KATNAL1: variants seen among roughly 807,000 people sequenced by gnomAD.
The protein encoded by KATNAL1 is katanin catalytic subunit A1 like 1.
In KATNAL1, 32 loss-of-function variants were observed where a neutral mutation model predicts 55.2. The ratio of observed to expected loss-of-function variants is 0.58; its 90% CI spans 0.44 to 0.78. KATNAL1 has a LOEUF of 0.78. KATNAL1 is among the 30% of genes least tolerant of loss of function. KATNAL1 has a pLI of 0.00. For missense variants in KATNAL1, 466 were observed against 600.9 expected (o/e 0.78, Z 2.35); for synonymous variants, 193 against 193.6 (o/e 1.00, Z 0.02).
intron 4 of KATNAL1, among the ~76,000 whole-genome samples, chr13:30,250,075 TGGTAG>T (rs1878160189): frequency 6.6e-6 from 1 of 152,234 alleles, no homozygotes; most frequent in Non-Finnish European, 1.5e-5. Context: ...CACCATAGAA[TGGTAG>T]GCTGCTACCC....
At chr13:30,261,119 A>G (rs1879252058) in intron 3 of KATNAL1, among the ~76,000 whole-genome samples, 1 of 152,122 alleles carries the variant, frequency 6.6e-6, no homozygotes, top group Middle Eastern at 3.2e-3. Context: ...CAGCCAAACT[A>G]AGCTTCATAG....
intron 1 of KATNAL1, among the ~76,000 whole-genome samples, chr13:30,288,530 T>C (rs1198830910): frequency 1.3e-5 from 2 of 152,218 alleles, no homozygotes; most frequent in African/African-American, 4.8e-5. Flanking sequence ...TTACTTGTGA[T>C]TCAAAGAATA....
intron 3 of KATNAL1, among the ~76,000 whole-genome samples, chr13:30,267,330 T>C (rs974610300): frequency 1.3e-5 from 2 of 152,232 alleles, no homozygotes; most frequent in East Asian, 1.9e-4. Flanking sequence ...AGTTGAACTT[T>C]AGATAAATTC....
At chr13:30,213,060 C>G (rs543948820) in intron 9 of KATNAL1, among the ~76,000 whole-genome samples, 1 of 151,662 alleles carries the variant, frequency 6.6e-6, no homozygotes, top group Admixed American at 6.6e-5. Flanking sequence ...AGAGTGCAAC[C>G]ACCCTGCCTA....
chr13:30,276,576 A>C (rs1330520388), intron 3 of KATNAL1, among the ~76,000 whole-genome samples: 1 of 151,870 alleles, frequency 6.6e-6, no homozygotes, highest in East Asian at 1.9e-4. Context: ...TTTCCTATTG[A>C]CTTAAATTGT....
rs756869124 is a variant in KATNAL1 at position 30,240,980 on chromosome 13, G to T, written c.599C>A (p.Ser200Tyr). The change falls in exon 5 of 11, where the codon TCC becomes TAC. Residue 200 changes from serine to tyrosine, a missense_variant. Coordinates refer to ENST00000380615, the MANE Select transcript of KATNAL1 (RefSeq NM_032116.5). ...TAACCAATGAATGCTAGGATTCCTGGATACAATGTCTCTTTCAAGGGCTTC... is the reference window on the plus strand; with the variant it reads ...TAACCAATGAATGCTAGGATTCCTGTATACAATGTCTCTTTCAAGGGCTTC... ...LVEALERDIV[S>Y]RNPSIHWDDI... is the part of the protein sequence containing the mutation. 6.2e-7 allele frequency: 1 copy of T among 1,612,720 alleles called. No individual in the cohort carries two copies. The highest frequency in any genetic ancestry group is 1.1e-5 in the South Asian group (1 of 90,934).
chr13:30,270,038 C>T (rs1454381539), intron 3 of KATNAL1, among the ~76,000 whole-genome samples: 2 of 134,174 alleles, frequency 1.5e-5, no homozygotes, highest in African/African-American at 2.9e-5. Flanking sequence ...GTGTCAGCCC[C>T]CCGCCCGGCC....
At chr13:30,280,729 A>G (rs975834613) in intron 2 of KATNAL1, among the ~76,000 whole-genome samples, 1 of 152,214 alleles carries the variant, frequency 6.6e-6, no homozygotes, top group Non-Finnish European at 1.5e-5. Context: ...TTTTATTTAA[A>G]TTCTCCTTCA....
At chr13:30,256,677 A>C (rs1418446106) in intron 3 of KATNAL1, among the ~76,000 whole-genome samples, 1 of 152,172 alleles carries the variant, frequency 6.6e-6, no homozygotes, top group Non-Finnish European at 1.5e-5. Flanking sequence ...TTGCAAACTA[A>C]GGGCCAAAAC....
chr13:30,240,477 T>A lies in KATNAL1; in HGVS notation c.709A>T (p.Ile237Phe). The A allele has an allele frequency of 6.2e-7, 1 of 1,612,264 alleles. No homozygotes were observed. The highest frequency in any genetic ancestry group is 8.5e-7 in the Non-Finnish European group (1 of 1,178,440). ...PMWMPDFFKG[I>F]RRPWKGVLMV... is the part of the protein sequence containing the mutation. ...ATTCTCACCTTCCATGGCCTTCTAA[T>A]CCCTTTGAAAAAGTCAGGCATCCAC... The change falls in exon 6 of 11, where the codon ATT (isoleucine) becomes TTT (phenylalanine). Residue 237 changes from isoleucine (I) to phenylalanine (F), a missense_variant. Coordinates refer to ENST00000380615, the MANE Select transcript of KATNAL1 (RefSeq NM_032116.5).
intron 6 of KATNAL1, among the ~76,000 whole-genome samples, chr13:30,235,066 A>G (rs1876519075): frequency 6.6e-6 from 1 of 152,212 alleles, no homozygotes; most frequent in Non-Finnish European, 1.5e-5. Flanking sequence ...GAGGAAGAGA[A>G]CAAGAGATTA....
intron 1 of KATNAL1, among the ~76,000 whole-genome samples, chr13:30,296,993 A>C (rs1213600970): frequency 6.7e-6 from 1 of 149,494 alleles, no homozygotes; most frequent in Non-Finnish European, 1.5e-5. Context: ...AGGGACAAGA[A>C]AAAAAAAATT....
intron 9 of KATNAL1, among the ~76,000 whole-genome samples, chr13:30,223,236 G>C (rs534313770): frequency 6.7e-6 from 1 of 149,414 alleles, no homozygotes; most frequent in Admixed American, 6.6e-5. Context: ...TCAGGAGATC[G>C]AGACCATCCT....
chr13:30,296,508 A>G, intron 1 of KATNAL1: 2 of 733,226 alleles, frequency 2.7e-6, no homozygotes, highest in South Asian at 1.4e-5. Context: ...AGATGAGTGC[A>G]TTGCCTACTG....
At position 30,203,548 on chromosome 13, in the gene KATNAL1, T is replaced by G. The variant is rs1259932743; in HGVS notation, c.*4992A>C. On this transcript the variant is annotated 3_prime_UTR_variant, in exon 11 of 11. Coordinates refer to ENST00000380615, the MANE Select transcript of KATNAL1 (RefSeq NM_032116.5). ...GGGAAACTTCTCTATACAAATTCCC[T>G]ATTTTTTTGTGTCAAATTTCCATAT... 1 of 152,236 alleles carries G rather than the reference T, an allele frequency of 6.6e-6. No homozygotes were observed. The highest frequency in any genetic ancestry group is 1.9e-4 in the East Asian group (1 of 5,200). 9.4% of individuals were successfully genotyped at this position (152,236 alleles called of 1,614,324 possible).
At chr13:30,274,905 G>GCGCGCGCGCA (rs1880698734) in intron 3 of KATNAL1, among the ~76,000 whole-genome samples, 1 of 84,348 alleles carries the variant, frequency 1.2e-5, no homozygotes, top group African/African-American at 4.2e-5. Context: ...GCGCGCGCGC[G>GCGCGCGCGCA]CGCACACACA....
chr13:30,232,370 T>C (rs546434522), intron 6 of KATNAL1, among the ~76,000 whole-genome samples: 3 of 152,346 alleles, frequency 2.0e-5, no homozygotes, highest in East Asian at 3.9e-4. Flanking sequence ...ACTATGTGTA[T>C]GTCAAAGTTT....
chr13:30,255,821 T>C (rs1219730366), intron 3 of KATNAL1, among the ~76,000 whole-genome samples: 1 of 152,082 alleles, frequency 6.6e-6, no homozygotes, highest in East Asian at 1.9e-4. Flanking sequence ...ATACAATTAT[T>C]AAATACACAC....
intron 3 of KATNAL1, among the ~76,000 whole-genome samples, chr13:30,271,949 C>T (rs994175476): frequency 6.7e-6 from 1 of 148,930 alleles, no homozygotes; most frequent in African/African-American, 2.5e-5. Flanking sequence ...AAGAGAGTTC[C>T]AAAGAAGATG....
Sources: allele counts gnomAD v4.1 joint callset (sites outside exome capture counted in the v4.1 genomes callset), GRCh38; gene constraint gnomAD v4.1.1; transcripts MANE v1.5; gene names NCBI Gene and HGNC (gene_info 2026-07-23, HGNC 2026-07-21).